Variants in SLC23A2 observed in about 807,000 individuals in gnomAD.
SLC23A2 encodes Na(+)/L-ascorbic acid transporter 2.
A neutral mutation model predicts 73.3 loss-of-function variants in SLC23A2; 36 were observed. That is an observed-to-expected ratio of 0.49 (90% confidence interval 0.38 to 0.65). The LOEUF is 0.65. Ranked by LOEUF, SLC23A2 falls within the 30% of genes least tolerant of loss-of-function variation. SLC23A2 has a pLI of 0.00. For synonymous variants in SLC23A2, 343 were observed against 327.3 expected (o/e 1.05, Z -0.52); for missense variants, 507 against 841.6 (o/e 0.60, Z 4.92).
intron 1 of SLC23A2, among the ~76,000 whole-genome samples, chr20:4,997,362 C>T (rs1230155258): frequency 6.6e-6 from 1 of 152,110 alleles, no homozygotes; most frequent in African/African-American, 2.4e-5. Flanking sequence ...ATTCTCCCCT[C>T]CTCCTGCCTC....
rs548305886 is a variant in SLC23A2, at chr20:4,967,047, G to A, written c.-155+3746C>T. ...TCCAGAAGCAGAATCCAGTGCTAAC[G>A]AGAAGCACAAGATGAAAGGTCAGAA... On this transcript the variant is annotated intron_variant, in intron 2 of 16. Transcript: ENST00000338244. Among the ~76,000 whole-genome samples, 5 of 152,234 alleles carry A rather than the reference G, an allele frequency of 3.3e-5. No individual in the cohort carries two copies. The South Asian group carries it at 6.2e-4, about 19-fold the overall frequency.
At chr20:4,988,756 G>GGA (rs2087873809) in intron 1 of SLC23A2, among the ~76,000 whole-genome samples, 1 of 144,624 alleles carries the variant, frequency 6.9e-6, no homozygotes, top group Admixed American at 7.0e-5. Context: ...AAGAAAGAAA[G>GGA]AAAAAAAAAA....
In SLC23A2 at chr20:4,857,042, T is replaced by C. The variant is rs1600067732; in HGVS notation, c.1883A>G (p.Tyr628Cys). ...YLPISPTFVGYTWKGLRKSDN... is the reference protein window; with the variant it reads ...YLPISPTFVGCTWKGLRKSDN... ...GCTCTTCCTGAGGCCTTTCCATGTGTAGCCCACAAAGGTTGGGCTGATGGG... is the reference window on the plus strand; with the variant it reads ...GCTCTTCCTGAGGCCTTTCCATGTGCAGCCCACAAAGGTTGGGCTGATGGG... The change falls in exon 17 of 17, where the codon TAC (tyrosine) becomes TGC (cysteine). Residue 628 changes from tyrosine to cysteine, a missense_variant. By Grantham distance (194) the Tyr-to-Cys change is radical (BLOSUM62 -2). Coordinates refer to ENST00000338244, the MANE Select transcript of SLC23A2 (RefSeq NM_005116.6). The surrounding 1 kb of genome is among the most constrained non-coding windows in gnomAD (Gnocchi z 4.0). 1 of 1,614,146 alleles carries C rather than the reference T, an allele frequency of 6.2e-7. No individual in the cohort carries two copies.
In SLC23A2 at chr20:4,853,742, T is replaced by A. The variant is rs910989612; in HGVS notation, c.*3230A>T. The A allele has an allele frequency of 6.6e-6, 1 of 152,546 alleles. No homozygotes were observed. The highest frequency in any genetic ancestry group is 1.5e-5 in the Non-Finnish European group (1 of 68,042). The allele number at this position is 152,546 out of a possible 1,614,324, so 9.4% of individuals were successfully genotyped here. On this transcript the variant is annotated 3_prime_UTR_variant, in exon 17 of 17. Coordinates refer to ENST00000338244, the MANE Select transcript of SLC23A2 (RefSeq NM_005116.6). ...TTGTTACCATGAAAACGGGAAACCA[T>A]CAGGACCCATGATGCTTCATTCTGG... is the stretch of plus-strand genomic sequence containing the variant.
In SLC23A2 at chr20:4,862,283, C is replaced by T. The variant is rs963693819; in HGVS notation, c.1487-198G>A. On this transcript the variant is annotated intron_variant, in intron 14 of 16. Coordinates refer to ENST00000338244, the MANE Select transcript of SLC23A2 (RefSeq NM_005116.6). The surrounding 1 kb of genome is among the most constrained non-coding windows in gnomAD (Gnocchi z 5.1). ...TGAGCCAAATGACCCTCGGCGTACG[C>T]GCTATTTGGGCTCCTACGGGAGCAT... Among the ~76,000 whole-genome samples, 1 of 152,226 alleles carries T rather than the reference C, an allele frequency of 6.6e-6. No individual in the cohort carries two copies. Among genetic ancestry groups the T allele is most frequent in the Non-Finnish European group, 1.5e-5 (1 of 68,046 alleles).
intron 1 of SLC23A2, among the ~76,000 whole-genome samples, chr20:5,009,787 A>G (rs1432220435): frequency 6.6e-6 from 1 of 152,188 alleles, no homozygotes; most frequent in African/African-American, 2.4e-5. Flanking sequence ...CCAACAGGAT[A>G]TATAGAGGGA....
chr20:4,948,088 G>A (rs1418416399), intron 2 of SLC23A2, among the ~76,000 whole-genome samples: 1 of 152,202 alleles, frequency 6.6e-6, no homozygotes, highest in Non-Finnish European at 1.5e-5. Context: ...GTCACCTCCA[G>A]CTACTGTTGC....
chr20:4,864,977 G>C (rs1930133883), intron 13 of SLC23A2, among the ~76,000 whole-genome samples: 1 of 152,210 alleles, frequency 6.6e-6, no homozygotes. Context: ...AATATATGCA[G>C]CAACTAAGCC....
intron 15 of SLC23A2, among the ~76,000 whole-genome samples, chr20:4,860,814 G>A (rs555597032): frequency 6.6e-6 from 1 of 152,188 alleles, no homozygotes; most frequent in East Asian, 1.9e-4. Context: ...GCCAATGCAG[G>A]TGGATCACTT....
intron 2 of SLC23A2, among the ~76,000 whole-genome samples, chr20:4,960,099 C>T (rs533360641): frequency 1.3e-5 from 2 of 152,254 alleles, no homozygotes; most frequent in Admixed American, 6.5e-5. Context: ...TGGCCTCTAG[C>T]GGCTTTATTT....
chr20:4,913,415 C>T (rs1397109349), intron 3 of SLC23A2, among the ~76,000 whole-genome samples: 1 of 152,136 alleles, frequency 6.6e-6, no homozygotes, highest in Non-Finnish European at 1.5e-5. Flanking sequence ...GAACACTCCT[C>T]GGTAAGGGGC....
chr20:4,924,655 G>A (rs1238824647), intron 3 of SLC23A2, among the ~76,000 whole-genome samples: 1 of 152,234 alleles, frequency 6.6e-6, no homozygotes, highest in Non-Finnish European at 1.5e-5. Flanking sequence ...TCCTGGTGGA[G>A]CAACACCAGG....
At chr20:4,969,368 C>A (rs1294514942) in intron 2 of SLC23A2, among the ~76,000 whole-genome samples, 1 of 152,106 alleles carries the variant, frequency 6.6e-6, no homozygotes, top group Non-Finnish European at 1.5e-5. Context: ...GGATTCCAGG[C>A]ATGAGCCACT....
chr20:4,958,679 C>T (rs1291096493), intron 2 of SLC23A2, among the ~76,000 whole-genome samples: 2 of 152,016 alleles, frequency 1.3e-5, no homozygotes, highest in East Asian at 1.9e-4. Flanking sequence ...CGACCTGCCT[C>T]GGCCTCCCAA....
At chr20:4,993,798 T>C (rs1013839479) in intron 1 of SLC23A2, among the ~76,000 whole-genome samples, 2 of 152,270 alleles carry the variant, frequency 1.3e-5, no homozygotes, top group African/African-American at 4.8e-5. Flanking sequence ...TATATGAACT[T>C]GGGCTGGGAA....
At chr20:4,874,329 T>C (rs1033158612) in intron 10 of SLC23A2, among the ~76,000 whole-genome samples, 4 of 152,226 alleles carry the variant, frequency 2.6e-5, no homozygotes, top group African/African-American at 9.6e-5. Flanking sequence ...AGAGGCCACG[T>C]GGAGTCAAAT....
chr20:4,874,133 T>C, intron 10 of SLC23A2, 41 bp from the exon 11 acceptor site: 4 of 1,589,958 alleles, frequency 2.5e-6, no homozygotes, highest in Non-Finnish European at 3.4e-6. Flanking sequence ...CCAGCAGGGC[T>C]CACAGGTGTT....
chr20:4,911,322 G>A (rs1251551744), intron 4 of SLC23A2, among the ~76,000 whole-genome samples: 1 of 152,150 alleles, frequency 6.6e-6, no homozygotes, highest in Non-Finnish European at 1.5e-5. Context: ...ATAGCTCCAA[G>A]CAGCAGGAAA....
intron 15 of SLC23A2, 43 bp from the exon 16 acceptor site, chr20:4,859,427 C>T (rs766746008): frequency 2.8e-5 from 37 of 1,323,216 alleles, no homozygotes; most frequent in Non-Finnish European, 3.5e-5. Flanking sequence ...GCCACAGCAG[C>T]GGTGAGCCTG....
Sources: allele counts gnomAD v4.1 joint callset (sites outside exome capture counted in the v4.1 genomes callset), GRCh38; gene constraint gnomAD v4.1.1; non-coding constraint Gnocchi (gnomAD v3.1); transcripts MANE v1.5; gene names NCBI Gene and HGNC (gene_info 2026-07-23, HGNC 2026-07-21).